The following CENPE variants were observed in gnomAD, a reference collection of about 807,000 sequenced individuals.
The protein encoded by CENPE is centromere-associated protein E.
Under a neutral mutation model 336.1 loss-of-function variants are expected in CENPE, and 145 were observed. The observed-to-expected ratio is 0.43, with a 90% confidence interval of 0.38 to 0.50. The LOEUF (loss-of-function observed/expected upper bound fraction) is 0.50, where lower values mean the gene tolerates loss of function less well. CENPE is among the 20% of genes least tolerant of loss of function. CENPE has a pLI of 0.00. For synonymous variants in CENPE, 1,013 were observed against 984.8 expected (o/e 1.03, Z -0.54); for missense variants, 2,719 against 3,023.3 (o/e 0.90, Z 2.36).
rs1180356927 is a variant in CENPE, at chr4:103,111,015, T to G, written c.7541-4A>C. The G allele has an allele frequency of 6.4e-7, 1 of 1,557,774 alleles. No homozygotes were observed. Among genetic ancestry groups the G allele is most frequent in the South Asian group, 1.2e-5 (1 of 82,346 alleles). On this transcript the variant is annotated splice_region_variant and splice_polypyrimidine_tract_variant and intron_variant, in intron 46 of 48. Coordinates refer to ENST00000265148, the MANE Select transcript of CENPE (RefSeq NM_001813.3). ...GGATCAGTATGTTCTGATATCACTG[T>G]GGGAGGAAAATATACAAATAGGTGA...
chr4:103,188,329 C>A (rs552065542), intron 8 of CENPE, among the ~76,000 whole-genome samples: 1 of 152,220 alleles, frequency 6.6e-6, no homozygotes, highest in African/African-American at 2.4e-5. Context: ...CACCCCAAAT[C>A]AACAGAATAT....
At chr4:103,122,808 A>AT in intron 43 of CENPE, 63 bp downstream of exon 43, 1 of 1,217,754 alleles carries the variant, frequency 8.2e-7, no homozygotes, top group Non-Finnish European at 1.2e-6. Context: ...AAATACTATA[A>AT]TTTTGCTCTA....
chr4:103,140,418 T>C lies in CENPE; in HGVS notation c.5755-4A>G, dbSNP rs774820264. On this transcript the variant is annotated splice_region_variant and splice_polypyrimidine_tract_variant and intron_variant, in intron 36 of 48. Coordinates refer to ENST00000265148, the MANE Select transcript of CENPE (RefSeq NM_001813.3). ...GTTCCTGTTGTATTTCCAGATCCTT[T>C]ATGGTTAGAAGAAATCAAGAAATGT... 1.9e-6 allele frequency: 3 copies of C among 1,565,792 alleles called. No individual in the cohort carries two copies. Among genetic ancestry groups the C allele is most frequent in the East Asian group, 2.3e-5 (1 of 44,086 alleles).
chr4:103,120,489 G>A (rs1336415628), intron 43 of CENPE, among the ~76,000 whole-genome samples, 156 bp from the exon 44 acceptor site: 1 of 152,142 alleles, frequency 6.6e-6, no homozygotes, highest in East Asian at 1.9e-4. Flanking sequence ...TCAATCTACA[G>A]ACATGTTATT....
rs1279608847 is a variant in CENPE at position 103,163,091 on chromosome 4, T to C, written c.1842+46A>G. The C allele has an allele frequency of 3.9e-6, 6 of 1,532,212 alleles. No homozygotes were observed. The Admixed American group carries it at 9.2e-5, about 23-fold the overall frequency. 94.9% of individuals were successfully genotyped at this position (1,532,212 alleles called of 1,614,324 possible). On this transcript the variant is annotated intron_variant, in intron 18 of 48. Transcript: ENST00000265148. ...AGCATTTGCTAAGATGATGGTATGC[T>C]ATATATATTTATGTGATTACACAAC... is the stretch of plus-strand genomic sequence containing the variant.
At chr4:103,175,000 G>T in intron 15 of CENPE, 97 bp from the exon 16 acceptor site, 9 of 694,292 alleles carry the variant, frequency 1.3e-5, no homozygotes, top group African/African-American at 1.9e-5. Context: ...CTTTAACTTT[G>T]ATTTGATATC....
chr4:103,133,635 A>T (rs1751803533), intron 41 of CENPE, 60 bp downstream of exon 41: 2 of 1,104,876 alleles, frequency 1.8e-6, no homozygotes, highest in African/African-American at 3.2e-5. Flanking sequence ...ATGAAAAAGT[A>T]CCTTTCTACT....
chr4:103,165,154 G>A (rs1209821621), intron 16 of CENPE, among the ~76,000 whole-genome samples: 1 of 152,108 alleles, frequency 6.6e-6, no homozygotes, highest in Non-Finnish European at 1.5e-5. Context: ...AAGTGAAAGT[G>A]TGTGAAAAGG....
intron 16 of CENPE, among the ~76,000 whole-genome samples, chr4:103,171,488 C>T (rs906757587): frequency 1.3e-5 from 2 of 151,514 alleles, no homozygotes; most frequent in Admixed American, 1.3e-4. Flanking sequence ...CACAATATAC[C>T]AAAATGTATA....
rs1757781163 is a variant in CENPE at position 103,196,871 on chromosome 4, C to T, written c.57-21G>A. The T allele has an allele frequency of 2.0e-5, 24 of 1,170,948 alleles. No individual in the cohort carries two copies. The East Asian group carries it at 5.6e-4, about 27-fold the overall frequency. The allele number at this position is 1,170,948 out of a possible 1,614,324, so 72.5% of individuals were successfully genotyped here. Reference sequence around the variant, plus strand: ...CTTCTCTAAAAGAATAAAAACACCGCATTTTAACCAGTCATAAAAGTCATG... The same window carrying T: ...CTTCTCTAAAAGAATAAAAACACCGTATTTTAACCAGTCATAAAAGTCATG... On this transcript the variant is annotated intron_variant, in intron 1 of 48. Transcript: ENST00000265148.
Position 103,145,562 on chromosome 4 carries a change from T to C in CENPE, c.4533A>G (p.Gln1511=). Reference sequence around the variant, plus strand: ...TATCATTGATTGCTTCTAACTGCTTTTGAATGGTTGATATTTCAGTTTCCT... The same window carrying C: ...TATCATTGATTGCTTCTAACTGCTTCTGAATGGTTGATATTTCAGTTTCCT... ...SEKETEISTI[Q]KQLEAINDKL... is the part of the protein sequence containing the mutation. The change falls in exon 31 of 49, where the codon CAA becomes CAG. Residue 1511 remains glutamine, a synonymous_variant. Coordinates refer to ENST00000265148, the MANE Select transcript of CENPE (RefSeq NM_001813.3). The C allele has an allele frequency of 1.9e-6, 3 of 1,608,774 alleles. No homozygotes were observed. The highest frequency in any genetic ancestry group is 2.2e-5 in the South Asian group (2 of 89,688).
intron 10 of CENPE, 39 bp from the exon 11 acceptor site, chr4:103,182,930 A>T: frequency 6.3e-7 from 1 of 1,591,178 alleles, no homozygotes; most frequent in Non-Finnish European, 8.6e-7. Context: ...AAAGATTGAG[A>T]ACGTTTATAT....
Position 103,159,059 on chromosome 4 carries a change from G to A in CENPE, c.2552C>T (p.Ser851Phe). 6.4e-7 allele frequency: 1 copy of A among 1,550,540 alleles called. No homozygotes were observed. The highest frequency in any genetic ancestry group is 8.7e-7 in the Non-Finnish European group (1 of 1,156,006). The change falls in exon 22 of 49, where the codon TCT becomes TTT. Residue 851 changes from serine (S) to phenylalanine (F), a missense_variant. By Grantham distance (155) the Ser-to-Phe change is radical (BLOSUM62 -2). Around this residue, in one of 5 missense-constraint regions of CENPE, gnomAD observed 2,437 missense variants for 2,513.3 expected, o/e 0.97. Coordinates refer to ENST00000265148, the MANE Select transcript of CENPE (RefSeq NM_001813.3). Reference protein sequence around the residue: ...ERMNQEIVNLSKEAQKFDSSL... With the variant: ...ERMNQEIVNLFKEAQKFDSSL... ...CGAATCAAATTTTTGGGCTTCTTTA[G>A]AGAGATTAACTATTTCCTGATTCAT...
At chr4:103,168,634 C>T (rs1248488424) in intron 16 of CENPE, among the ~76,000 whole-genome samples, 1 of 152,184 alleles carries the variant, frequency 6.6e-6, no homozygotes, top group Non-Finnish European at 1.5e-5. Context: ...CGGGGTCCTA[C>T]CGGGAGACAG....
chr4:103,112,767 T>A (rs1411058796), intron 46 of CENPE, among the ~76,000 whole-genome samples: 1 of 93,230 alleles, frequency 1.1e-5, no homozygotes, highest in East Asian at 3.0e-4. Flanking sequence ...TATATATACT[T>A]ATAAGTATAT....
At position 103,139,989 on chromosome 4, in the gene CENPE, A is replaced by C; in HGVS notation, c.6004T>G (p.Leu2002Val). ...TTTTGGGCCTCAAATTGCTTCTTCA[A>C]CTGTTCCATTTCATTAATTTTTTTA... ...SHKKINEMEQ[L>V]KKQFEAQNLS... Residue 2002 changes from leucine (L) to valine (V), a missense_variant, in exon 38 of 49, where the codon TTG becomes GTG. Physicochemically the swap from Leu to Val is conservative, Grantham distance 32 (BLOSUM62 1). Around this residue, in one of 5 missense-constraint regions of CENPE, gnomAD observed 2,437 missense variants for 2,513.3 expected, o/e 0.97. Coordinates refer to ENST00000265148, the MANE Select transcript of CENPE (RefSeq NM_001813.3). The C allele has an allele frequency of 6.2e-7, 1 of 1,613,114 alleles. No individual in the cohort carries two copies. Among genetic ancestry groups the C allele is most frequent in the Non-Finnish European group, 8.5e-7 (1 of 1,179,448 alleles).
chr4:103,162,422 TTAATGCCAA>T (rs1319988214), intron 18 of CENPE, among the ~76,000 whole-genome samples: 1 of 152,188 alleles, frequency 6.6e-6, no homozygotes, highest in Non-Finnish European at 1.5e-5. Context: ...TCAATGTTAG[TTAATGCCAA>T]GATCTTATAT....
chr4:103,152,168 T>C (rs1753623417), intron 25 of CENPE, among the ~76,000 whole-genome samples: 1 of 152,096 alleles, frequency 6.6e-6, no homozygotes, highest in African/African-American at 2.4e-5. Flanking sequence ...GGAACAAATT[T>C]AATAAAATAT....
intron 21 of CENPE, among the ~76,000 whole-genome samples, chr4:103,160,184 C>T (rs1754315845): frequency 1.3e-5 from 2 of 151,788 alleles, no homozygotes; most frequent in South Asian, 4.2e-4. Flanking sequence ...ACTGGCAGGC[C>T]ATGGATTTAC....
Sources: gnomAD v4.1 joint callset for allele counts (sites outside exome capture counted in the v4.1 genomes callset) on GRCh38, gnomAD v4.1.1 for gene constraint, gnomAD v4.1.1 regional missense constraint, MANE v1.5 for transcripts, NCBI Gene and HGNC (gene_info 2026-07-23, HGNC 2026-07-21) for gene names.